Variants in CHURC1 observed in about 807,000 individuals in gnomAD.
CHURC1 encodes the protein protein Churchill.
In CHURC1, 12 loss-of-function variants were observed where a neutral mutation model predicts 15.4. The ratio of observed to expected loss-of-function variants is 0.78; its 90% confidence interval spans 0.50 to 1.27. The LOEUF is 1.27. Among genes scored for constraint, CHURC1 ranks in the 50% most tolerant of loss-of-function variants. The probability of loss-of-function intolerance (pLI) is 0.00; values close to 1 mark genes in which losing one functional copy is unlikely to be tolerated. For missense variants in CHURC1, 132 were observed against 137.8 expected (o/e 0.96, Z 0.21); for synonymous variants, 42 against 47.5 (o/e 0.88, Z 0.48).
Position 64,923,915 on chromosome 14 carries a change from A to G in CHURC1, c.40-76A>G, listed in dbSNP as rs185853369. 2.6e-5 allele frequency: 35 copies of G among 1,357,816 alleles called. 1 individual carries two copies. The African/African-American group carries it at 3.6e-4, about 14-fold the overall frequency. 84.1% of individuals were successfully genotyped at this position (1,357,816 alleles called of 1,614,324 possible). Reference sequence around the variant, plus strand: ...TTTTAGTTTTGTTTTGCCTTTAGACATTTTAAGTCTGTTAATCATCTTCAC... The same window carrying G: ...TTTTAGTTTTGTTTTGCCTTTAGACGTTTTAAGTCTGTTAATCATCTTCAC... On this transcript the variant is annotated intron_variant, in intron 1 of 3. Coordinates refer to ENST00000549115, the MANE Select transcript of CHURC1 (RefSeq NM_001386928.1).
intron 1 of CHURC1, among the ~76,000 whole-genome samples, chr14:64,923,646 A>C (rs899367175): frequency 6.6e-6 from 1 of 152,008 alleles, no homozygotes; most frequent in African/African-American, 2.4e-5. Flanking sequence ...TTGGTTATTA[A>C]ATTTTTCTAA....
At chr14:64,931,449 A>T (rs1019679233) in intron 3 of CHURC1, among the ~76,000 whole-genome samples, 7 of 152,034 alleles carry the variant, frequency 4.6e-5, no homozygotes, top group African/African-American at 1.7e-4. Context: ...TGGGATGATC[A>T]CTTGAGCACA....
intron 3 of CHURC1, among the ~76,000 whole-genome samples, chr14:64,928,162 C>T (rs1566831005): frequency 6.6e-6 from 1 of 152,172 alleles, no homozygotes; most frequent in Non-Finnish European, 1.5e-5. Context: ...TGCATTTCCT[C>T]AGGAATCTCA....
chr14:64,930,460 C>T (rs1330466164), intron 3 of CHURC1, among the ~76,000 whole-genome samples: 1 of 152,190 alleles, frequency 6.6e-6, no homozygotes, highest in Non-Finnish European at 1.5e-5. Context: ...CCATGTATGA[C>T]ATTACTTCTG....
rs577261268 is a variant in CHURC1 at position 64,927,723 on chromosome 14, C to A, written c.246+1643C>A. On this transcript the variant is annotated intron_variant, in intron 3 of 3. Transcript: ENST00000549115. ...CAGTCTACTTCTCCCCCCACCCCCCCCCCCGCCGTCAATTCATACTCCATA... is the reference window on the plus strand; with the variant it reads ...CAGTCTACTTCTCCCCCCACCCCCCACCCCGCCGTCAATTCATACTCCATA... Among the ~76,000 whole-genome samples, 72 of 104,812 alleles carry A rather than the reference C, an allele frequency of 6.9e-4. 4 individuals are homozygous for A. Among genetic ancestry groups the A allele is most frequent in the Non-Finnish European group, 8.8e-4 (44 of 50,230 alleles). 68.8% of individuals were successfully genotyped at this position (104,812 alleles called of 152,430 possible).
At chr14:64,919,088 G>A (rs1442906137) in intron 1 of CHURC1, among the ~76,000 whole-genome samples, 1 of 152,062 alleles carries the variant, frequency 6.6e-6, no homozygotes, top group Non-Finnish European at 1.5e-5. Flanking sequence ...GAACCCAAAT[G>A]TTTTTTAACT....
At chr14:64,925,032 A>G (rs1049034298) in intron 2 of CHURC1, among the ~76,000 whole-genome samples, 8 of 152,184 alleles carry the variant, frequency 5.3e-5, no homozygotes, top group African/African-American at 1.9e-4. Context: ...ATTTCATTCC[A>G]GGCAGTAGGG....
chr14:64,929,335 TCTC>T (rs1379114533), intron 3 of CHURC1, among the ~76,000 whole-genome samples: 1 of 152,146 alleles, frequency 6.6e-6, no homozygotes, highest in African/African-American at 2.4e-5. Flanking sequence ...TCAAATTCCA[TCTC>T]CTCTTTGCTC....
At chr14:64,919,461 T>G (rs1884119412) in intron 1 of CHURC1, among the ~76,000 whole-genome samples, 1 of 152,222 alleles carries the variant, frequency 6.6e-6, no homozygotes, top group Non-Finnish European at 1.5e-5. Context: ...GAGTAATATA[T>G]AATTAGCAAA....
rs758600971 is a variant in CHURC1, at chr14:64,926,040, C to T, written c.206C>T (p.Ala69Val). The T allele has an allele frequency of 3.1e-6, 5 of 1,598,564 alleles. No individual in the cohort carries two copies. The highest frequency in any genetic ancestry group is 1.3e-5 in the African/African-American group (1 of 74,216). Residue 69 changes from alanine to valine, a missense_variant, in exon 3 of 4, where the codon GCC (alanine) becomes GTC (valine). By Grantham distance (64) the Ala-to-Val change is moderately conservative (BLOSUM62 0). Coordinates refer to ENST00000549115, the MANE Select transcript of CHURC1 (RefSeq NM_001386928.1). ...HLCKNCHHVIARHEYTFSIMD... is the reference protein window; with the variant it reads ...HLCKNCHHVIVRHEYTFSIMD... ...TGTAAGAATTGTCATCATGTAATAGCCAGACATGAGTATACATTCAGTATC... is the reference window on the plus strand; with the variant it reads ...TGTAAGAATTGTCATCATGTAATAGTCAGACATGAGTATACATTCAGTATC...
At chr14:64,930,770 A>G in intron 3 of CHURC1, 1 of 438,046 alleles carries the variant, frequency 2.3e-6, no homozygotes, top group Non-Finnish European at 4.5e-6. Context: ...TTGACTCTTT[A>G]CTTTTTTCCT....
chr14:64,922,933 T>G (rs1162969505), intron 1 of CHURC1, among the ~76,000 whole-genome samples: 1 of 152,196 alleles, frequency 6.6e-6, no homozygotes, highest in South Asian at 2.1e-4. Context: ...TTAAAACTCC[T>G]TGAAGGTAGC....
chr14:64,915,125 T>C (rs1197546463), intron 1 of CHURC1, among the ~76,000 whole-genome samples: 1 of 152,176 alleles, frequency 6.6e-6, no homozygotes, highest in Non-Finnish European at 1.5e-5. Context: ...GTTGAACATT[T>C]ATATATGTGT....
Position 64,914,495 on chromosome 14 carries a change from G to C in CHURC1, c.-1G>C, listed in dbSNP as rs770950234. On this transcript the variant is annotated 5_prime_UTR_variant, in exon 1 of 4. Coordinates refer to ENST00000549115, the MANE Select transcript of CHURC1 (RefSeq NM_001386928.1). ...GGACATTCCCTGTTGACTGCGTCGC[G>C]ATGTGTGGCGACTGTGTGGAGAAGG... The C allele has an allele frequency of 6.2e-7, 1 of 1,614,262 alleles. No homozygotes were observed. Among genetic ancestry groups the C allele is most frequent in the South Asian group, 1.1e-5 (1 of 91,092 alleles).
intron 1 of CHURC1, among the ~76,000 whole-genome samples, chr14:64,915,386 A>C (rs912671392): frequency 6.6e-6 from 1 of 152,252 alleles, no homozygotes; most frequent in Non-Finnish European, 1.5e-5. Flanking sequence ...CTAACAAAAA[A>C]TGAGTAGCTC....
intron 1 of CHURC1, among the ~76,000 whole-genome samples, chr14:64,922,364 G>A (rs964871955): frequency 6.6e-6 from 1 of 151,880 alleles, no homozygotes; most frequent in Non-Finnish European, 1.5e-5. Context: ...AGATCACGAG[G>A]TCAGGAGATC....
chr14:64,916,089 G>A (rs1883863529), intron 1 of CHURC1, among the ~76,000 whole-genome samples: 2 of 152,166 alleles, frequency 1.3e-5, no homozygotes, highest in South Asian at 2.1e-4. Context: ...TAGTGTGGAG[G>A]TAGAGAAACC....
chr14:64,924,282 A>G, intron 2 of CHURC1, 156 bp downstream of exon 2: 1 of 818,656 alleles, frequency 1.2e-6, no homozygotes, highest in Non-Finnish European at 1.7e-6. Flanking sequence ...TTAACACCTC[A>G]TTTATCTGGG....
At chr14:64,927,722 C>CCA (rs1555383707) in intron 3 of CHURC1, among the ~76,000 whole-genome samples, 1 of 104,932 alleles carries the variant, frequency 9.5e-6, no homozygotes, top group African/African-American at 3.8e-5. Context: ...CCCCACCCCC[C>CCA]CCCCCGCCGT....
Sources: gnomAD v4.1 joint callset for allele counts (sites outside exome capture counted in the v4.1 genomes callset) on GRCh38, gnomAD v4.1.1 for gene constraint, MANE v1.5 for transcripts, NCBI Gene and HGNC (gene_info 2026-07-23, HGNC 2026-07-21) for gene names.